The following CNTNAP2 variants were observed in gnomAD, a reference collection of about 807,000 sequenced individuals.
CNTNAP2 encodes contactin associated protein 2.
A neutral mutation model predicts 155.2 loss-of-function variants in CNTNAP2; 98 were observed. That is an observed-to-expected ratio of 0.63 (90% CI 0.54 to 0.75). The LOEUF (loss-of-function observed/expected upper bound fraction) is 0.75. CNTNAP2 is among the 30% of genes least tolerant of loss of function. The probability of loss-of-function intolerance (pLI) is 0.00; values close to 1 mark genes in which losing one functional copy is unlikely to be tolerated. For synonymous variants in CNTNAP2, 651 were observed against 631.2 expected (o/e 1.03, Z -0.47); for missense variants, 1,727 against 1,688.1 (o/e 1.02, Z -0.40).
At chr7:147,415,463 G>C (rs545431835) in intron 10 of CNTNAP2, among the ~76,000 whole-genome samples, 2 of 152,160 alleles carry the variant, frequency 1.3e-5, no homozygotes, top group South Asian at 2.1e-4. Context: ...GAGCTCTCAC[G>C]AGATCTGATG....
At chr7:147,168,385 G>T (rs894655028) in intron 8 of CNTNAP2, among the ~76,000 whole-genome samples, 1 of 151,892 alleles carries the variant, frequency 6.6e-6, no homozygotes, top group Non-Finnish European at 1.5e-5. Flanking sequence ...AATGGAAGCA[G>T]TTGCTATAGT....
At chr7:146,380,973 T>A (rs1270476722) in intron 1 of CNTNAP2, among the ~76,000 whole-genome samples, 1 of 151,130 alleles carries the variant, frequency 6.6e-6, no homozygotes, top group Non-Finnish European at 1.5e-5. Flanking sequence ...TAATTTTTTG[T>A]ATTTTTAGTA....
intron 1 of CNTNAP2, among the ~76,000 whole-genome samples, chr7:146,593,758 GA>G (rs1798818463): frequency 6.6e-6 from 1 of 151,982 alleles, no homozygotes; most frequent in Non-Finnish European, 1.5e-5. Flanking sequence ...AATCTCAACT[GA>G]AAAAAGGTTT....
chr7:146,902,248 T>G (rs1422027620), intron 3 of CNTNAP2, among the ~76,000 whole-genome samples: 1 of 152,112 alleles, frequency 6.6e-6, no homozygotes, highest in African/African-American at 2.4e-5. Context: ...TAGGGGAGAT[T>G]GTGGCTTTCA....
intron 3 of CNTNAP2, among the ~76,000 whole-genome samples, chr7:146,984,110 G>C (rs10952665): frequency 0.56 from 85,338 of 151,858 alleles, 24,407 homozygotes; most frequent in East Asian, 0.75. Context: ...GCTCATGCCT[G>C]TAATCCCAGC....
chr7:147,183,593 G>A lies in CNTNAP2; in HGVS notation c.1348+51084G>A, dbSNP rs556528424. ...TGTGTGTGTGTGTTTTTCCTTACAAGTTGAGTGAAAAATTAAAATGTAACA... is the reference window on the plus strand; with the variant it reads ...TGTGTGTGTGTGTTTTTCCTTACAAATTGAGTGAAAAATTAAAATGTAACA... On this transcript the variant is annotated intron_variant, in intron 8 of 23. Transcript: ENST00000361727. 4.6e-5 allele frequency among the ~76,000 whole-genome samples: 7 copies of A among 151,586 alleles called. No homozygotes were observed. In the East Asian group the frequency reaches 1.4e-3, roughly 29 times the overall value.
At position 146,291,086 on chromosome 7, in the gene CNTNAP2, A is replaced by G. The variant is rs919378199; in HGVS notation, c.97+174113A>G. On this transcript the variant is annotated intron_variant, in intron 1 of 23. Transcript: ENST00000361727. The stretch of plus-strand genomic sequence containing the variant: ...AATCAGTTACATCAATTTGAATCTA[A>G]CTAGACTAAGATAAAACATGATGAA... Among the ~76,000 whole-genome samples, 4 of 152,228 alleles carry G rather than the reference A, an allele frequency of 2.6e-5. No individual in the cohort carries two copies. In the South Asian group the frequency reaches 8.3e-4, roughly 31 times the overall value.
intron 18 of CNTNAP2, among the ~76,000 whole-genome samples, chr7:148,173,209 A>C (rs1366582361): frequency 1.3e-5 from 2 of 152,198 alleles, no homozygotes; most frequent in South Asian, 2.1e-4. Context: ...ATCCTGCTTG[A>C]CCAGAAGAAG....
chr7:147,885,316 A>G (rs1799585679), intron 13 of CNTNAP2, among the ~76,000 whole-genome samples: 1 of 152,092 alleles, frequency 6.6e-6, no homozygotes, highest in Non-Finnish European at 1.5e-5. Flanking sequence ...GGGTTAAGAA[A>G]CCAAACTCAG....
At chr7:147,661,623 G>A (rs1211670903) in intron 13 of CNTNAP2, among the ~76,000 whole-genome samples, 1 of 151,238 alleles carries the variant, frequency 6.6e-6, no homozygotes, top group Non-Finnish European at 1.5e-5. Flanking sequence ...CATGACCTCG[G>A]CTCACTACGA....
At chr7:146,133,918 A>C (rs1376488756) in intron 1 of CNTNAP2, among the ~76,000 whole-genome samples, 1 of 151,640 alleles carries the variant, frequency 6.6e-6, no homozygotes, top group African/African-American at 2.4e-5. Flanking sequence ...GTTCCATATG[A>C]ACTTTAAAGT....
chr7:147,965,925 T>C (rs1306251257), intron 14 of CNTNAP2, among the ~76,000 whole-genome samples: 2 of 152,168 alleles, frequency 1.3e-5, no homozygotes, highest in Non-Finnish European at 2.9e-5. Flanking sequence ...CTTCGAGATA[T>C]TGATAACATA....
chr7:146,444,739 C>T (rs1159142685), intron 1 of CNTNAP2, among the ~76,000 whole-genome samples: 1 of 151,308 alleles, frequency 6.6e-6, no homozygotes. Context: ...CTCACTGCAA[C>T]TTCTGCCCCC....
At chr7:147,616,043 AC>A (rs1453501292) in intron 12 of CNTNAP2, among the ~76,000 whole-genome samples, 6 of 151,924 alleles carry the variant, frequency 3.9e-5, no homozygotes, top group Admixed American at 2.0e-4. Flanking sequence ...CAAAATTCTC[AC>A]AATAATCCTT....
intron 13 of CNTNAP2, chr7:147,849,938 G>T (rs891522291): frequency 6.6e-6 from 1 of 152,238 alleles, no homozygotes; most frequent in Admixed American, 6.5e-5. Context: ...AGCAGGGTTG[G>T]TTTGGCTAGT....
chr7:147,081,973 G>A (rs1800141998), intron 4 of CNTNAP2: 1 of 152,102 alleles, frequency 6.6e-6, no homozygotes, highest in African/African-American at 2.4e-5. Context: ...CTAGCTAATA[G>A]TTTTTTGGAT....
intron 1 of CNTNAP2, among the ~76,000 whole-genome samples, chr7:146,490,158 C>T (rs559946152): frequency 1.3e-5 from 2 of 152,290 alleles, no homozygotes; most frequent in Admixed American, 6.5e-5. Flanking sequence ...CTGCCTCCTG[C>T]CACTATCAAC....
intron 9 of CNTNAP2, among the ~76,000 whole-genome samples, chr7:147,336,612 A>G (rs2116851690): frequency 6.6e-6 from 1 of 152,282 alleles, no homozygotes; most frequent in South Asian, 2.1e-4. Flanking sequence ...AGGATTGGTA[A>G]GAACATGAAG....
chr7:146,499,342 G>T (rs986255152), intron 1 of CNTNAP2, among the ~76,000 whole-genome samples: 2 of 151,932 alleles, frequency 1.3e-5, no homozygotes, highest in Admixed American at 6.6e-5. Flanking sequence ...CACCACACCT[G>T]GCTGATTTTT....
Sources: gnomAD v4.1 joint callset for allele counts (sites outside exome capture counted in the v4.1 genomes callset) on GRCh38, gnomAD v4.1.1 for gene constraint, MANE v1.5 for transcripts, NCBI Gene and HGNC (gene_info 2026-07-23, HGNC 2026-07-21) for gene names.